The following SPATA25 variants were observed in gnomAD, a reference collection of about 807,000 sequenced individuals.
SPATA25 encodes the protein spermatogenesis associated 25.
In SPATA25, 16 loss-of-function variants were observed where a neutral mutation model predicts 16.0. The observed-to-expected ratio is 1.00, with a 90% CI of 0.68 to 1.52. The LOEUF (loss-of-function observed/expected upper bound fraction) is 1.52, where lower values mean the gene tolerates loss of function less well. Ranked by LOEUF, SPATA25 falls within the 40% of genes most tolerant of loss-of-function variation. The probability of loss-of-function intolerance (pLI) is 0.00; values close to 1 mark genes in which losing one functional copy is unlikely to be tolerated. For synonymous variants in SPATA25, 115 were observed against 118.5 expected, an observed-to-expected ratio of 0.97 and a Z score of 0.19; for missense variants, 285 against 289.2, an observed-to-expected ratio of 0.99 and a Z score of 0.11.
chr20:45,887,926 G>A (rs1033932969), upstream of SPATA25, among the ~76,000 whole-genome samples: 1 of 152,218 alleles, frequency 6.6e-6, no homozygotes, highest in African/African-American at 2.4e-5. Flanking sequence ...TTGTATGGAA[G>A]CAGATGACCA....
At chr20:45,888,741 T>C (rs1986580702), upstream of SPATA25, 5 of 1,613,616 alleles carry the variant, frequency 3.1e-6, no homozygotes, top group Non-Finnish European at 4.2e-6. Context: ...AGCTGTGCTC[T>C]GGTGCACTGT....
upstream of SPATA25, among the ~76,000 whole-genome samples, chr20:45,888,384 C>T (rs1181558402): frequency 6.6e-6 from 1 of 152,154 alleles, no homozygotes; most frequent in Non-Finnish European, 1.5e-5. Flanking sequence ...ACTTCTCAAC[C>T]CTGGCTGTAC....
chr20:45,887,006 C>A lies in SPATA25; in HGVS notation c.195G>T (p.Leu65=). Residue 65 remains leucine, a synonymous_variant, in exon 2 of 2, where the codon CTG becomes CTT. Coordinates refer to ENST00000372519, the MANE Select transcript of SPATA25 (RefSeq NM_080608.4). ...APAAQAWGPA[L]AMPQARGCPG... is the part of the protein sequence containing the mutation. ...GGCAGCCCCTGGCTTGTGGCATTGC[C>A]AGGGCTGGGCCCCAGGCCTGGGCAG... 2 of 1,613,560 alleles carry A rather than the reference C, an allele frequency of 1.2e-6. No homozygotes were observed. Among genetic ancestry groups the A allele is most frequent in the Non-Finnish European group, 8.5e-7 (1 of 1,180,008 alleles).
Position 45,887,524 on chromosome 20 carries a change from C to T in SPATA25, c.55+12G>A, listed in dbSNP as rs1178853900. The stretch of plus-strand genomic sequence containing the variant: ...GCCGCACTCCCTCCAATTGCAGGTG[C>T]CCCCCGCTCACCTTGGCCGGAAGGC... On this transcript the variant is annotated intron_variant, in intron 1 of 1. Transcript: ENST00000372519. 4.3e-6 allele frequency: 7 copies of T among 1,611,380 alleles called. No individual in the cohort carries two copies. Among genetic ancestry groups the T allele is most frequent in the African/African-American group, 1.3e-5 (1 of 74,838 alleles).
upstream of SPATA25, chr20:45,890,935 C>G: frequency 6.6e-7 from 1 of 1,525,678 alleles, no homozygotes; most frequent in Non-Finnish European, 8.8e-7. Flanking sequence ...GAGGGGGCTC[C>G]GGGCGCTCGA....
At position 45,887,161 on chromosome 20, in the gene SPATA25, T is replaced by G. The variant is rs778300643; in HGVS notation, c.56-16A>C. 2 of 1,569,896 alleles carry G rather than the reference T, an allele frequency of 1.3e-6. No homozygotes were observed. Among genetic ancestry groups the G allele is most frequent in the South Asian group, 1.1e-5 (1 of 89,044 alleles). ...GCAGCCCCACCTGCAGAGACAGGAA[T>G]GAAATGGAACGTTATTCTCAGTTCT... On this transcript the variant is annotated splice_polypyrimidine_tract_variant and intron_variant, in intron 1 of 1. Transcript: ENST00000372519.
At chr20:45,890,311 G>C (rs367770819), upstream of SPATA25, 21 of 1,613,284 alleles carry the variant, frequency 1.3e-5, no homozygotes, top group Admixed American at 1.7e-5. Context: ...CCACCACCGC[G>C]TAGAGGGGCT....
chr20:45,886,635 G>T lies in SPATA25; in HGVS notation c.566C>A (p.Pro189Gln). ...CCCCTCCACAGCACCCTCTGGCTCCGGATGGGCCATCATGAAAGCTTGAGC... is the reference window on the plus strand; with the variant it reads ...CCCCTCCACAGCACCCTCTGGCTCCTGATGGGCCATCATGAAAGCTTGAGC... ...WAAQAFMMAH[P>Q]EPEGAVEGAR... The change falls in exon 2 of 2, where the codon CCG becomes CAG. Residue 189 changes from proline (P) to glutamine (Q), a missense_variant. By Grantham distance (76) the Pro-to-Gln change is moderately conservative (BLOSUM62 -1). Transcript: ENST00000372519. 6.2e-7 allele frequency: 1 copy of T among 1,614,038 alleles called. No individual in the cohort carries two copies. Among genetic ancestry groups the T allele is most frequent in the Non-Finnish European group, 8.5e-7 (1 of 1,180,038 alleles).
At chr20:45,890,057 A>G (rs997609902), upstream of SPATA25, 4 of 616,066 alleles carry the variant, frequency 6.5e-6, no homozygotes, top group Admixed American at 3.0e-5. Flanking sequence ...TCAATCAACC[A>G]AGATAGGTAC....
chr20:45,887,742 G>A, upstream of SPATA25: 1 of 613,712 alleles, frequency 1.6e-6, no homozygotes, highest in Non-Finnish European at 2.7e-6. Context: ...ACCTGGACAT[G>A]ACAATAGGAT....
rs370717955 is a variant in SPATA25, at chr20:45,886,607, C to T, written c.594G>A (p.Ala198=). The T allele has an allele frequency of 5.0e-5, 81 of 1,613,802 alleles. No individual in the cohort carries two copies. The East Asian group carries it at 6.7e-4, about 13-fold the overall frequency. Residue 198 remains alanine, a synonymous_variant, in exon 2 of 2, where the codon GCG becomes GCA. Coordinates refer to ENST00000372519, the MANE Select transcript of SPATA25 (RefSeq NM_080608.4). Reference sequence around the variant, plus strand: ...TGTGGGCATGTGCCTGCTCCCACCGCGCCCCCTCCACAGCACCCTCTGGCT... The same window carrying T: ...TGTGGGCATGTGCCTGCTCCCACCGTGCCCCCTCCACAGCACCCTCTGGCT... ...HPEPEGAVEG[A]RWEQAHAHTA... is the part of the protein sequence containing the mutation.
At chr20:45,888,851 G>A (rs1159224169), upstream of SPATA25, 7 of 1,613,838 alleles carry the variant, frequency 4.3e-6, no homozygotes, top group Admixed American at 5.0e-5. Context: ...TCACTAGGCG[G>A]CACAGAGTCT....
intron 1 of SPATA25, 21 bp from the exon 2 acceptor site, chr20:45,887,166 T>C (rs1199922562): frequency 6.4e-7 from 1 of 1,564,358 alleles, no homozygotes; most frequent in African/African-American, 1.4e-5. Context: ...AGGAATGAAA[T>C]GGAACGTTAT....
chr20:45,889,435 C>T (rs984475639), upstream of SPATA25, among the ~76,000 whole-genome samples: 2 of 151,902 alleles, frequency 1.3e-5, no homozygotes, highest in African/African-American at 2.4e-5. Context: ...GAACTGCAGC[C>T]TTCAATTCTT....
upstream of SPATA25, chr20:45,890,358 C>T (rs1309220791): frequency 1.2e-6 from 2 of 1,612,764 alleles, no homozygotes; most frequent in African/African-American, 2.7e-5. Context: ...GGGCCCATGT[C>T]CTCGCCGTTG....
upstream of SPATA25, among the ~76,000 whole-genome samples, chr20:45,889,408 GA>G (rs1177213438): frequency 6.6e-6 from 1 of 151,436 alleles, no homozygotes; most frequent in Admixed American, 6.6e-5. Context: ...CACCCAGGCT[GA>G]AGTGCAGTGC....
At chr20:45,887,268 A>T in intron 1 of SPATA25, 123 bp from the exon 2 acceptor site, 4 of 1,255,454 alleles carry the variant, frequency 3.2e-6, no homozygotes, top group Non-Finnish European at 3.2e-6. Context: ...GACTGTCTAG[A>T]GGTTGGGAAC....
chr20:45,888,608 G>T, upstream of SPATA25: 2 of 715,538 alleles, frequency 2.8e-6, no homozygotes, highest in Non-Finnish European at 4.7e-6. Context: ...CTCATAGGCT[G>T]TAGGGGCAAG....
At position 45,886,872 on chromosome 20, in the gene SPATA25, CTGGAGTAGCCAT is replaced by C; in HGVS notation, c.317_328del (p.Asn106_Ser109del). 1 of 1,614,054 alleles carries C rather than the reference CTGGAGTAGCCAT, an allele frequency of 6.2e-7. No homozygotes were observed. The highest frequency in any genetic ancestry group is 8.5e-7 in the Non-Finnish European group (1 of 1,180,050). ...GCCACCCAGGTCAGGGGCTCTGCTT[CTGGAGTAGCCAT>C]TGTCCCAGCCCAAGCTCTCCAGCTG... On this transcript the variant is annotated inframe_deletion, in exon 2 of 2. Transcript: ENST00000372519.
Sources: allele counts gnomAD v4.1 joint callset (sites outside exome capture counted in the v4.1 genomes callset), GRCh38; gene constraint gnomAD v4.1.1; transcripts MANE v1.5; gene names NCBI Gene and HGNC (gene_info 2026-07-23, HGNC 2026-07-21).